NXPE2: variants seen among roughly 807,000 people sequenced by gnomAD.
NXPE2 encodes the protein NXPE family member 2.
Under a neutral mutation model 34.4 loss-of-function variants are expected in NXPE2, and 34 were observed. That is an observed-to-expected ratio of 0.99 (90% CI 0.75 to 1.31). The LOEUF (loss-of-function observed/expected upper bound fraction) is 1.31, where lower values mean the gene tolerates loss of function less well. NXPE2 is among the 40% of genes most tolerant of loss of function. The pLI is 0.00. For missense variants in NXPE2, 649 were observed against 672.5 expected, an observed-to-expected ratio of 0.97 and a Z score of 0.39; for synonymous variants, 235 against 231.3, an observed-to-expected ratio of 1.02 and a Z score of -0.15.
chr11:114,680,923 ATC>A (rs1393738183), intron 2 of NXPE2, among the ~76,000 whole-genome samples: 1 of 152,130 alleles, frequency 6.6e-6, no homozygotes, highest in East Asian at 1.9e-4. Flanking sequence ...CAAATTTATC[ATC>A]TGTCTCACCA....
At chr11:114,804,453 C>T in the NXPE2 span, among the ~76,000 whole-genome samples, 1 of 152,212 alleles carries the variant, frequency 6.6e-6, no homozygotes, top group Admixed American at 6.5e-5. Context: ...CATCAATAGA[C>T]AATTAACTTG....
chr11:114,684,024 C>G (rs1950997033), intron 2 of NXPE2, among the ~76,000 whole-genome samples: 1 of 152,036 alleles, frequency 6.6e-6, no homozygotes, highest in Non-Finnish European at 1.5e-5. Context: ...AGTTAGAAGA[C>G]AAAAGATGGG....
chr11:114,639,569 C>T, the NXPE2 span, among the ~76,000 whole-genome samples: 598 of 150,368 alleles, frequency 4.0e-3, 4 homozygotes, highest in African/African-American at 0.013. Context: ...TCGCTCAGGC[C>T]GGGAGCTGTA....
chr11:114,650,155 C>T, the NXPE2 span, among the ~76,000 whole-genome samples: 20 of 151,952 alleles, frequency 1.3e-4, no homozygotes, highest in African/African-American at 2.2e-4. Context: ...ACCAAATGGC[C>T]GGAATTCTAA....
chr11:114,725,972 AAAAAAT>A, the NXPE2 span, among the ~76,000 whole-genome samples: 1 of 14,252 alleles, frequency 7.0e-5, no homozygotes, highest in African/African-American at 1.3e-4. Context: ...TATAATAAAA[AAAAAAT>A]ATATATATAT....
At chr11:114,584,935 G>A in the NXPE2 span, among the ~76,000 whole-genome samples, 21 of 152,204 alleles carry the variant, frequency 1.4e-4, no homozygotes, top group Middle Eastern at 3.4e-3. Context: ...CATAAAAGGC[G>A]CCAGGTCTGG....
intron 2 of NXPE2, among the ~76,000 whole-genome samples, chr11:114,682,536 T>C (rs1476838867): frequency 1.3e-5 from 2 of 152,176 alleles, no homozygotes; most frequent in Non-Finnish European, 2.9e-5. Context: ...CTTGGTGTTC[T>C]TTTTAGACCC....
chr11:114,743,935 G>A, the NXPE2 span, among the ~76,000 whole-genome samples: 4 of 151,202 alleles, frequency 2.6e-5, no homozygotes, highest in African/African-American at 4.9e-5. Flanking sequence ...ATATATAAGT[G>A]TATATTTATA....
At chr11:114,799,291 C>CAAAAAAAAAA in the NXPE2 span, among the ~76,000 whole-genome samples, 6 of 94,290 alleles carry the variant, frequency 6.4e-5, no homozygotes, top group East Asian at 2.9e-4. Context: ...GGCAATGAAG[C>CAAAAAAAAAA]AAAAAAAAAA....
At chr11:114,730,283 C>A in the NXPE2 span, among the ~76,000 whole-genome samples, 1 of 152,062 alleles carries the variant, frequency 6.6e-6, no homozygotes, top group East Asian at 1.9e-4. Context: ...GTACCAGTAC[C>A]ATGTTGTTTT....
the NXPE2 span, chr11:114,583,285 C>G: frequency 7.7e-6 from 5 of 646,002 alleles, no homozygotes; most frequent in Non-Finnish European, 1.4e-5. Context: ...GGAGGAAAGT[C>G]TGTTACTACT....
the NXPE2 span, among the ~76,000 whole-genome samples, chr11:114,650,546 G>A: frequency 1.3e-5 from 2 of 152,274 alleles, no homozygotes; most frequent in African/African-American, 2.4e-5. Context: ...GGAAGGGCAA[G>A]TACTGTTCTC....
At chr11:114,694,042 T>G (rs886965080) in intron 2 of NXPE2, among the ~76,000 whole-genome samples, 5 of 152,216 alleles carry the variant, frequency 3.3e-5, no homozygotes, top group African/African-American at 1.2e-4. Context: ...GAGACTCTGT[T>G]TTCCTTGGCC....
chr11:114,501,147 G>A, the NXPE2 span, among the ~76,000 whole-genome samples: 1 of 152,212 alleles, frequency 6.6e-6, no homozygotes, highest in Admixed American at 6.5e-5. Context: ...ATCCTTTAAA[G>A]TAGTTCTGAA....
chr11:114,752,869 G>A, the NXPE2 span, among the ~76,000 whole-genome samples: 1 of 152,124 alleles, frequency 6.6e-6, no homozygotes. Flanking sequence ...ACACATTTAC[G>A]AGTATCCAGG....
At chr11:114,562,897 G>T in the NXPE2 span, among the ~76,000 whole-genome samples, 2 of 152,172 alleles carry the variant, frequency 1.3e-5, no homozygotes, top group African/African-American at 4.8e-5. Flanking sequence ...GTCCTAACAT[G>T]CTTAAGCCAT....
chr11:114,492,687 C>T, the NXPE2 span, among the ~76,000 whole-genome samples: 3 of 152,060 alleles, frequency 2.0e-5, no homozygotes, highest in African/African-American at 7.2e-5. Context: ...TACAGGCACC[C>T]GCCAGCATGC....
chr11:114,808,717 A>G, the NXPE2 span, among the ~76,000 whole-genome samples: 11 of 152,080 alleles, frequency 7.2e-5, no homozygotes, highest in African/African-American at 2.7e-4. Context: ...TTACCACCAA[A>G]AAAAGTCCAG....
chr11:114,526,334 A>G, the NXPE2 span, among the ~76,000 whole-genome samples: 259 of 152,352 alleles, frequency 1.7e-3, 4 homozygotes, highest in South Asian at 7.0e-3. Context: ...AGAAAATGAT[A>G]CATAGACAAC....
Sources: gnomAD v4.1 joint callset for allele counts (sites outside exome capture counted in the v4.1 genomes callset) on GRCh38, gnomAD v4.1.1 for gene constraint, MANE v1.5 for transcripts, NCBI Gene and HGNC (gene_info 2026-07-23, HGNC 2026-07-21) for gene names.